The following SYCP2 variants were observed in gnomAD, a reference collection of about 807,000 sequenced individuals.
SYCP2 encodes the protein synaptonemal complex lateral element protein.
SYCP2 carries 55 observed loss-of-function variants against 211.3 expected under a neutral mutation model. That is an observed-to-expected ratio of 0.26 (90% confidence interval 0.21 to 0.33). The LOEUF is 0.33. Among genes scored for constraint, SYCP2 ranks in the 10% least tolerant of loss-of-function variants. The pLI, the probability that SYCP2 is intolerant of heterozygous loss-of-function variation, is 1.00. For missense variants in SYCP2, 1,731 were observed against 1,752.0 expected, an observed-to-expected ratio of 0.99 and a Z score of 0.21; for synonymous variants, 570 against 555.2, an observed-to-expected ratio of 1.03 and a Z score of -0.37.
Position 59,922,426 on chromosome 20 carries a change from TAAA to T in SYCP2, c.-16_-14del, listed in dbSNP as rs376461462. 1,618 of 1,420,798 alleles carry T rather than the reference TAAA, an allele frequency of 1.1e-3. No homozygotes were observed. The highest frequency in any genetic ancestry group is 1.9e-3 in the South Asian group (142 of 75,604). 88.0% of individuals were successfully genotyped at this position (1,420,798 alleles called of 1,614,324 possible). On this transcript the variant is annotated 5_prime_UTR_variant, in exon 3 of 45. Transcript: ENST00000357552. The stretch of plus-strand genomic sequence containing the variant: ...GTCTTATTGGCATTTTGACTTCATT[TAAA>T]AAAAAAAAAAAAGCAAGACAAAATA...
In SYCP2 at chr20:59,914,224, T is replaced by C. The variant is rs1182160766; in HGVS notation, c.662A>G (p.Glu221Gly). Residue 221 changes from glutamate (E) to glycine (G), a missense_variant, in exon 11 of 45, where the codon GAA (glutamate) becomes GGA (glycine). This residue lies in a region of SYCP2 where 335 missense variants were observed against 378.8 expected (regional missense o/e 0.88). Coordinates refer to ENST00000357552, the MANE Select transcript of SYCP2 (RefSeq NM_014258.4). ...GDYDLQVGIV[E>G]ALCRMTTEKQ... ...TTCTGTGGTCATTCTACACAAAGCTTCTACAATGCCTACCTGTAAGTCATA... is the reference window on the plus strand; with the variant it reads ...TTCTGTGGTCATTCTACACAAAGCTCCTACAATGCCTACCTGTAAGTCATA... 1 of 1,594,996 alleles carries C rather than the reference T, an allele frequency of 6.3e-7. No homozygotes were observed. Among genetic ancestry groups the C allele is most frequent in the Admixed American group, 1.7e-5 (1 of 58,878 alleles).
At chr20:59,880,169 T>C (rs1873036293) in intron 31 of SYCP2, 134 bp downstream of exon 31, 1 of 656,458 alleles carries the variant, frequency 1.5e-6, no homozygotes, top group Non-Finnish European at 2.5e-6. Context: ...ACATAAAAAC[T>C]AGTGTTTTGT....
chr20:59,927,098 C>T (rs2060647536), intron 2 of SYCP2, among the ~76,000 whole-genome samples: 1 of 152,088 alleles, frequency 6.6e-6, no homozygotes, highest in East Asian at 1.9e-4. Flanking sequence ...ACTCCAACTC[C>T]ACCAAAGAAT....
intron 2 of SYCP2, among the ~76,000 whole-genome samples, chr20:59,929,352 G>A (rs1301246297): frequency 6.6e-6 from 1 of 152,138 alleles, no homozygotes; most frequent in Non-Finnish European, 1.5e-5. Context: ...ATAGCATTGG[G>A]TAAAAATGTA....
chr20:59,885,850 C>T, intron 26 of SYCP2, 78 bp downstream of exon 26: 1 of 1,062,864 alleles, frequency 9.4e-7, no homozygotes, highest in Non-Finnish European at 1.4e-6. Flanking sequence ...TCCATTTTAC[C>T]ACTATGCTAT....
intron 35 of SYCP2, among the ~76,000 whole-genome samples, 178 bp downstream of exon 35, chr20:59,873,678 G>GT (rs1360518680): frequency 4.0e-5 from 6 of 151,856 alleles, no homozygotes; most frequent in Non-Finnish European, 1.5e-5. Flanking sequence ...TGTCTGTTAG[G>GT]TTCATCAAGA....
chr20:59,880,262 C>A (rs1288827286), intron 31 of SYCP2, 41 bp downstream of exon 31: 3 of 1,493,486 alleles, frequency 2.0e-6, no homozygotes, highest in African/African-American at 1.4e-5. Flanking sequence ...AAATAAACTG[C>A]AAAATCATTT....
intron 33 of SYCP2, among the ~76,000 whole-genome samples, chr20:59,876,444 G>C (rs1418029988): frequency 7.5e-6 from 1 of 132,768 alleles, no homozygotes; most frequent in Non-Finnish European, 1.6e-5. Flanking sequence ...ACCTAAGTTA[G>C]GAAGTCTTTA....
chr20:59,922,433 A>G lies in SYCP2; in HGVS notation c.-20T>C. ...TGGCATTTTGACTTCATTTAAAAAAAAAAAAAAAGCAAGACAAAATAAACA... is the reference window on the plus strand; with the variant it reads ...TGGCATTTTGACTTCATTTAAAAAAGAAAAAAAAGCAAGACAAAATAAACA... On this transcript the variant is annotated 5_prime_UTR_variant, in exon 3 of 45. Transcript: ENST00000357552. The G allele has an allele frequency of 6.4e-7, 1 of 1,557,844 alleles. No individual in the cohort carries two copies. The highest frequency in any genetic ancestry group is 1.2e-5 in the South Asian group (1 of 82,582).
intron 14 of SYCP2, among the ~76,000 whole-genome samples, chr20:59,911,186 G>T (rs2060317406): frequency 6.6e-6 from 1 of 152,168 alleles, no homozygotes; most frequent in African/African-American, 2.4e-5. Flanking sequence ...CGAGGTGGTA[G>T]CTATTATGAA....
At position 59,875,401 on chromosome 20, in the gene SYCP2, A is replaced by G. The variant is rs775668876; in HGVS notation, c.3219T>C (p.Ala1073=). The G allele has an allele frequency of 1.4e-5, 23 of 1,612,976 alleles. No homozygotes were observed. Among genetic ancestry groups the G allele is most frequent in the Non-Finnish European group, 2.0e-5 (23 of 1,179,434 alleles). ...GTTTTGATAGTTCCTTTTCTGTTTC[A>G]GCACAGAAGACTTTCTGTTGTTTCT... ...LPKKQQKVFC[A]ETEKELSKQW... is the part of the protein sequence containing the mutation. Residue 1073 remains alanine (A), a synonymous_variant, in exon 34 of 45, where the codon GCT becomes GCC. Coordinates refer to ENST00000357552, the MANE Select transcript of SYCP2 (RefSeq NM_014258.4).
In SYCP2 at chr20:59,915,448, T is replaced by G. The variant is rs1314603737; in HGVS notation, c.599+17A>C. 1 of 1,498,364 alleles carries G rather than the reference T, an allele frequency of 6.7e-7. No individual in the cohort carries two copies. The highest frequency in any genetic ancestry group is 1.4e-5 in the African/African-American group (1 of 72,242). 92.8% of individuals were successfully genotyped at this position (1,498,364 alleles called of 1,614,324 possible). On this transcript the variant is annotated intron_variant, in intron 9 of 44. Transcript: ENST00000357552. ...ATGGATTTTAAGAATAAAAACCATA[T>G]AAGTACAGATTATTACATGAGAATT...
chr20:59,881,846 A>T, intron 28 of SYCP2, 99 bp downstream of exon 28: 2 of 876,356 alleles, frequency 2.3e-6, no homozygotes, highest in Non-Finnish European at 3.5e-6. Context: ...ATTTTAAAGC[A>T]TATGAGGATG....
At chr20:59,919,088 A>G (rs1436884678) in intron 7 of SYCP2, 70 bp downstream of exon 7, 5 of 838,090 alleles carry the variant, frequency 6.0e-6, no homozygotes, top group Non-Finnish European at 9.6e-6. Context: ...CACAATGGGA[A>G]TTGTAAAATT....
rs771850559 is a variant in SYCP2 at position 59,919,152 on chromosome 20, T to C, written c.427+6A>G. The C allele has an allele frequency of 7.9e-7, 1 of 1,266,662 alleles. No individual in the cohort carries two copies. Among genetic ancestry groups the C allele is most frequent in the Non-Finnish European group, 1.1e-6 (1 of 890,794 alleles). 78.5% of individuals were successfully genotyped at this position (1,266,662 alleles called of 1,614,324 possible). On this transcript the variant is annotated splice_donor_region_variant and intron_variant, in intron 7 of 44. Coordinates refer to ENST00000357552, the MANE Select transcript of SYCP2 (RefSeq NM_014258.4). ...TGTTCCAATAGAAAATAAGTGTTTA[T>C]TATACCTTCATCACTGACATCATGT...
At chr20:59,895,940 T>C (rs564083416) in intron 19 of SYCP2, among the ~76,000 whole-genome samples, 1 of 152,236 alleles carries the variant, frequency 6.6e-6, no homozygotes, top group South Asian at 2.1e-4. Flanking sequence ...ATCAGGTTTT[T>C]TAAAACTTTT....
rs777368956 is a variant in SYCP2, at chr20:59,868,844, G to T, written c.3823C>A (p.His1275Asn). 1 of 1,607,472 alleles carries T rather than the reference G, an allele frequency of 6.2e-7. No homozygotes were observed. The highest frequency in any genetic ancestry group is 1.3e-5 in the African/African-American group (1 of 74,608). ...GACTATGACTACAAACCTGATACAT[G>T]AGTAGCATCACAGGGCATGTCAAAC... is the stretch of plus-strand genomic sequence containing the variant. Reference protein sequence around the residue: ...TWFDMPCDATHVSGPTQHLSR... With the variant: ...TWFDMPCDATNVSGPTQHLSR... Residue 1275 changes from histidine (H) to asparagine (N), a missense_variant, in exon 37 of 45, where the codon CAT becomes AAT. By Grantham distance (68) the His-to-Asn change is moderately conservative (BLOSUM62 1). Transcript: ENST00000357552.
rs539805032 is a variant in SYCP2 at position 59,881,038 on chromosome 20, T to G, written c.2715-15A>C. 7.1e-7 allele frequency: 1 copy of G among 1,406,366 alleles called. No individual in the cohort carries two copies. Among genetic ancestry groups the G allele is most frequent in the African/African-American group, 1.4e-5 (1 of 69,564 alleles). 87.1% of individuals were successfully genotyped at this position (1,406,366 alleles called of 1,614,324 possible). A position where few individuals can be genotyped will look rare whatever the true frequency, so the allele number is the denominator to read the frequency against. ...TTGGACCTACCCTTAAACAAAAATA[T>G]GTATTAATTAAAAAATACCCTTCAT... On this transcript the variant is annotated splice_polypyrimidine_tract_variant and intron_variant, in intron 29 of 44. Transcript: ENST00000357552.
At chr20:59,891,922 TTTCTTTC>T in intron 24 of SYCP2, 61 bp downstream of exon 24, 1 of 1,352,236 alleles carries the variant, frequency 7.4e-7, no homozygotes, top group Non-Finnish European at 1.0e-6. Context: ...ATCAAGTTTC[TTTCTTTC>T]TTATGTTATC....
Sources: allele counts gnomAD v4.1 joint callset (sites outside exome capture counted in the v4.1 genomes callset), GRCh38; gene constraint gnomAD v4.1.1; regional missense constraint gnomAD v4.1.1; transcripts MANE v1.5; gene names NCBI Gene and HGNC (gene_info 2026-07-23, HGNC 2026-07-21).